Variants in TBC1D22A observed in about 807,000 individuals in gnomAD.
TBC1D22A encodes the protein putative GTPase activator.
TBC1D22A carries 38 observed loss-of-function variants against 60.2 expected under a neutral mutation model. The observed-to-expected ratio is 0.63, with a 90% CI of 0.49 to 0.83. The LOEUF (loss-of-function observed/expected upper bound fraction) is 0.83. TBC1D22A is among the 40% of genes least tolerant of loss of function. TBC1D22A has a pLI of 0.00. For synonymous variants in TBC1D22A, 302 were observed against 281.7 expected (o/e 1.07, Z -0.72); for missense variants, 628 against 701.0 (o/e 0.90, Z 1.18).
chr22:46,836,235 C>T (rs1303478653), intron 4 of TBC1D22A, among the ~76,000 whole-genome samples: 1 of 151,908 alleles, frequency 6.6e-6, no homozygotes, highest in African/African-American at 2.4e-5. Context: ...AAGTTAAACA[C>T]CAAAAATATT....
intron 6 of TBC1D22A, 49 bp downstream of exon 6, chr22:46,891,443 G>A (rs753896971): frequency 6.5e-7 from 1 of 1,543,618 alleles, no homozygotes; most frequent in Admixed American, 2.1e-5. Flanking sequence ...ACTTTGCTTT[G>A]CTGTGATTTA....
chr22:46,995,659 T>G (rs2075097957), intron 9 of TBC1D22A, among the ~76,000 whole-genome samples: 1 of 152,134 alleles, frequency 6.6e-6, no homozygotes, highest in Non-Finnish European at 1.5e-5. Flanking sequence ...CCTCCTGGGT[T>G]CTGGAGCTGG....
Position 47,009,501 on chromosome 22 carries a change from A to T in TBC1D22A, c.1201+11792A>T, listed in dbSNP as rs1054123614. The stretch of plus-strand genomic sequence containing the variant: ...CTATCACCATCATTTCATCACCATC[A>T]TCACCACCATCATCTTCACCATCAC... On this transcript the variant is annotated intron_variant, in intron 10 of 12. Coordinates refer to ENST00000337137, the MANE Select transcript of TBC1D22A (RefSeq NM_014346.5). This position sits in a 1 kb window ranked among gnomAD's most constrained non-coding sequence, Gnocchi z 5.8. Among the ~76,000 whole-genome samples the T allele has an allele frequency of 2.1e-5, 3 of 140,016 alleles. No individual in the cohort carries two copies. Among genetic ancestry groups the T allele is most frequent in the African/African-American group, 7.9e-5 (3 of 38,104 alleles). 91.9% of individuals were successfully genotyped at this position (140,016 alleles called of 152,430 possible). A position where few individuals can be genotyped will look rare whatever the true frequency, so the allele number is the denominator to read the frequency against.
chr22:46,873,335 T>A (rs2067380984), intron 4 of TBC1D22A, among the ~76,000 whole-genome samples: 1 of 151,998 alleles, frequency 6.6e-6, no homozygotes, highest in Non-Finnish European at 1.5e-5. Flanking sequence ...CTATGTAAAA[T>A]CACAATCAGA....
intron 1 of TBC1D22A, among the ~76,000 whole-genome samples, chr22:46,778,867 A>G (rs369539468): frequency 7.9e-5 from 12 of 152,254 alleles, no homozygotes; most frequent in African/African-American, 2.6e-4. Context: ...AACATGGTGA[A>G]ACCCCGTCTC....
At chr22:47,038,328 G>A (rs547270512) in intron 11 of TBC1D22A, among the ~76,000 whole-genome samples, 1 of 152,320 alleles carries the variant, frequency 6.6e-6, no homozygotes, top group Admixed American at 6.5e-5. Flanking sequence ...GTTGATGCTG[G>A]GGGACGGACG....
chr22:46,941,248 G>T (rs2072031714), intron 8 of TBC1D22A, among the ~76,000 whole-genome samples: 1 of 104,352 alleles, frequency 9.6e-6, no homozygotes, highest in Non-Finnish European at 2.1e-5. Context: ...GTCCACCCTT[G>T]AACAGCATGG....
At chr22:47,011,387 T>A (rs1038706425) in intron 10 of TBC1D22A, among the ~76,000 whole-genome samples, 1 of 152,198 alleles carries the variant, frequency 6.6e-6, no homozygotes, top group East Asian at 1.9e-4. Flanking sequence ...CCCGCCCACC[T>A]CATGACCCTG....
chr22:47,110,707 G>C (rs1280077077), intron 11 of TBC1D22A, among the ~76,000 whole-genome samples: 4 of 152,158 alleles, frequency 2.6e-5, no homozygotes, highest in South Asian at 2.1e-4. Flanking sequence ...TAGTCCTATA[G>C]ATGTTGCATG....
chr22:46,788,385 T>C (rs897000806), intron 1 of TBC1D22A, among the ~76,000 whole-genome samples: 3 of 152,218 alleles, frequency 2.0e-5, no homozygotes, highest in African/African-American at 7.2e-5. Flanking sequence ...TAGCTACTAC[T>C]ATTATTCTCT....
At chr22:47,086,565 A>G (rs1193159236) in intron 11 of TBC1D22A, among the ~76,000 whole-genome samples, 3 of 152,346 alleles carry the variant, frequency 2.0e-5, no homozygotes, top group East Asian at 3.9e-4. Flanking sequence ...TGAAGCTACA[A>G]TTATTTCGGG....
intron 7 of TBC1D22A, among the ~76,000 whole-genome samples, chr22:46,905,544 G>T (rs1028564961): frequency 1.3e-5 from 2 of 152,260 alleles, no homozygotes; most frequent in Admixed American, 6.5e-5. Flanking sequence ...GCCGGCCCCG[G>T]GGAGGAGGGC....
intron 4 of TBC1D22A, among the ~76,000 whole-genome samples, chr22:46,845,568 C>T (rs2086953596): frequency 6.6e-6 from 1 of 152,160 alleles, no homozygotes; most frequent in Non-Finnish European, 1.5e-5. Context: ...TCTAGCTCTG[C>T]TGAGTTAAAT....
chr22:47,053,541 C>T (rs1429128509), intron 11 of TBC1D22A, among the ~76,000 whole-genome samples: 1 of 152,250 alleles, frequency 6.6e-6, no homozygotes. Flanking sequence ...CCAGTCGGGG[C>T]AGCAGTTTGC....
At chr22:46,979,980 C>T (rs1000699399) in intron 9 of TBC1D22A, among the ~76,000 whole-genome samples, 1 of 151,986 alleles carries the variant, frequency 6.6e-6, no homozygotes, top group Non-Finnish European at 1.5e-5. Context: ...GATGACCTCA[C>T]AGCAGACGAA....
At chr22:47,157,451 T>C (rs1012108936) in intron 12 of TBC1D22A, among the ~76,000 whole-genome samples, 7 of 152,222 alleles carry the variant, frequency 4.6e-5, no homozygotes, top group Admixed American at 3.3e-4. Context: ...TCCGTCTAGA[T>C]GAACTGAAGC....
At chr22:46,917,889 G>A (rs1240684091) in intron 8 of TBC1D22A, among the ~76,000 whole-genome samples, 1 of 152,160 alleles carries the variant, frequency 6.6e-6, no homozygotes, top group Non-Finnish European at 1.5e-5. Flanking sequence ...GCCGGAGTCT[G>A]GGCGTTGAGA....
intron 4 of TBC1D22A, among the ~76,000 whole-genome samples, chr22:46,829,502 C>A (rs1409322835): frequency 6.6e-6 from 1 of 152,188 alleles, no homozygotes; most frequent in Non-Finnish European, 1.5e-5. Context: ...ACTCTTCTAA[C>A]CGACTTACTA....
chr22:46,844,500 G>T (rs1313632491), intron 4 of TBC1D22A, among the ~76,000 whole-genome samples: 2 of 152,236 alleles, frequency 1.3e-5, no homozygotes, highest in Admixed American at 1.3e-4. Flanking sequence ...CCAGATGTCT[G>T]TGTGGTTGAG....
Sources: gnomAD v4.1 joint callset for allele counts (sites outside exome capture counted in the v4.1 genomes callset) on GRCh38, gnomAD v4.1.1 for gene constraint, Gnocchi (gnomAD v3.1) non-coding constraint, MANE v1.5 for transcripts, NCBI Gene and HGNC (gene_info 2026-07-23, HGNC 2026-07-21) for gene names.